CPAMD8: variants seen among roughly 807,000 people sequenced by gnomAD.
The protein encoded by CPAMD8 is C3 and PZP-like alpha-2-macroglobulin domain-containing protein 8.
Under a neutral mutation model 224.7 loss-of-function variants are expected in CPAMD8, and 146 were observed. That is an observed-to-expected ratio of 0.65 (90% CI 0.57 to 0.75). The LOEUF is 0.75. Ranked by LOEUF, CPAMD8 falls within the 30% of genes least tolerant of loss-of-function variation. The probability of loss-of-function intolerance (pLI) is 0.00; values close to 1 mark genes in which losing one functional copy is unlikely to be tolerated. For missense variants in CPAMD8, 2,301 were observed against 2,537.5 expected (o/e 0.91, Z 2.00); for synonymous variants, 966 against 1,044.6 (o/e 0.92, Z 1.45).
chr19:16,916,436 G>A (rs947702288), intron 27 of CPAMD8, among the ~76,000 whole-genome samples: 4 of 151,868 alleles, frequency 2.6e-5, no homozygotes, highest in Non-Finnish European at 5.9e-5. Flanking sequence ...ATTTTTAGTA[G>A]AGACGGGGTT....
At chr19:16,990,039 G>A (rs566403291) in intron 12 of CPAMD8, among the ~76,000 whole-genome samples, 2 of 152,280 alleles carry the variant, frequency 1.3e-5, no homozygotes, top group South Asian at 4.1e-4. Flanking sequence ...ATCACCTGAG[G>A]CCAGGAGTTC....
chr19:17,021,801 G>A (rs1299525225), intron 2 of CPAMD8, among the ~76,000 whole-genome samples: 8 of 152,212 alleles, frequency 5.3e-5, no homozygotes, highest in Non-Finnish European at 1.2e-4. Flanking sequence ...ACAGAACCAG[G>A]GCTGCTGAGG....
intron 18 of CPAMD8, among the ~76,000 whole-genome samples, chr19:16,965,210 A>T (rs1599797388): frequency 6.6e-6 from 1 of 152,010 alleles, no homozygotes; most frequent in Non-Finnish European, 1.5e-5. Context: ...CAGTGAGCCG[A>T]TATCGCACCA....
intron 30 of CPAMD8, 88 bp downstream of exon 30, chr19:16,906,864 T>A (rs759325355): frequency 2.8e-5 from 36 of 1,301,456 alleles, no homozygotes; most frequent in Non-Finnish European, 3.3e-5. Context: ...ACTCGTCAGT[T>A]GTGATAAATA....
intron 10 of CPAMD8, among the ~76,000 whole-genome samples, chr19:16,998,951 G>C (rs1172502564): frequency 2.0e-5 from 3 of 152,142 alleles, no homozygotes. Context: ...CGGATGAAGG[G>C]ATAAACACAT....
intron 23 of CPAMD8, among the ~76,000 whole-genome samples, chr19:16,931,914 A>T (rs2053556711): frequency 6.6e-6 from 1 of 152,204 alleles, no homozygotes; most frequent in Non-Finnish European, 1.5e-5. Flanking sequence ...AACCAACACC[A>T]CAGATAGATC....
rs369376971 is a variant in CPAMD8 at position 16,947,170 on chromosome 19, G to A, written c.2566C>T (p.Arg856Cys). Residue 856 changes from arginine (R) to cysteine (C), a missense_variant, in exon 21 of 42, where the codon CGC becomes TGC. Physicochemically the swap from Arg to Cys is radical, Grantham distance 180. Around this residue, in one of 4 missense-constraint regions of CPAMD8, gnomAD observed 1,709 missense variants for 1,753.2 expected, o/e 0.97. Transcript: ENST00000443236. ...ACACACATCTTCTTGGTCACATGGCGTTTGCCAGGATGCCCAACAAACTGG... is the reference window on the plus strand; with the variant it reads ...ACACACATCTTCTTGGTCACATGGCATTTGCCAGGATGCCCAACAAACTGG... Reference protein sequence around the residue: ...GIQFVGHPGKRHVTKKMCVAP... With the variant: ...GIQFVGHPGKCHVTKKMCVAP... The A allele has an allele frequency of 4.2e-5, 67 of 1,613,708 alleles. No individual in the cohort carries two copies. Among genetic ancestry groups the A allele is most frequent in the African/African-American group, 3.1e-4 (23 of 74,908 alleles).
intron 3 of CPAMD8, among the ~76,000 whole-genome samples, chr19:17,018,191 T>C (rs1052578056): frequency 6.6e-6 from 1 of 152,170 alleles, no homozygotes; most frequent in African/African-American, 2.4e-5. Flanking sequence ...CATTCATTCG[T>C]AGACTCCTTT....
Position 16,928,147 on chromosome 19 carries a change from A to T in CPAMD8, c.3232T>A (p.Ser1078Thr), listed in dbSNP as rs1568485785. The T allele has an allele frequency of 6.2e-7, 1 of 1,614,144 alleles. No individual in the cohort carries two copies. The highest frequency in any genetic ancestry group is 2.2e-5 in the East Asian group (1 of 44,880). ...TCACCCATGGAGCCCCAGCCGGTGGAAAAGCCAATGAACTGGACCTCTGGT... is the reference window on the plus strand; with the variant it reads ...TCACCCATGGAGCCCCAGCCGGTGGTAAAGCCAATGAACTGGACCTCTGGT... The part of the protein sequence containing the change: ...RPPEVQFIGF[S>T]TGWGSMGEFR... The change falls in exon 25 of 42, where the codon TCC becomes ACC. Residue 1078 changes from serine to threonine, a missense_variant. Physicochemically the swap from Ser to Thr is moderately conservative, Grantham distance 58. Around this residue, in one of 4 missense-constraint regions of CPAMD8, gnomAD observed 1,709 missense variants for 1,753.2 expected, o/e 0.97. Transcript: ENST00000443236.
At chr19:16,958,310 C>T (rs750507774) in intron 18 of CPAMD8, among the ~76,000 whole-genome samples, 19 of 152,032 alleles carry the variant, frequency 1.2e-4, no homozygotes, top group Non-Finnish European at 2.5e-4. Flanking sequence ...GTGTCTGTTC[C>T]CCCTTTTGTT....
intron 13 of CPAMD8, among the ~76,000 whole-genome samples, chr19:16,983,642 G>A (rs2055595407): frequency 6.6e-6 from 1 of 152,112 alleles, no homozygotes. Context: ...GAGACGTGAT[G>A]ACTAAATGTG....
chr19:16,911,935 TC>T (rs1332051959), intron 29 of CPAMD8, among the ~76,000 whole-genome samples: 1 of 152,128 alleles, frequency 6.6e-6, no homozygotes, highest in African/African-American at 2.4e-5. Flanking sequence ...TGCCTTGGCC[TC>T]CCAAAGTGCT....
chr19:16,932,891 A>AT (rs1287687768), intron 23 of CPAMD8, among the ~76,000 whole-genome samples: 1 of 152,222 alleles, frequency 6.6e-6, no homozygotes. Flanking sequence ...TCCACAGCAC[A>AT]TTATGGTCAA....
chr19:16,895,444 C>T (rs2051924472), intron 41 of CPAMD8: 1 of 182,798 alleles, frequency 5.5e-6, no homozygotes, highest in Admixed American at 5.4e-5. Flanking sequence ...ATTATCCGCT[C>T]TGATTCCATT....
intron 10 of CPAMD8, among the ~76,000 whole-genome samples, chr19:16,998,142 A>G (rs2056195821): frequency 6.6e-6 from 1 of 152,118 alleles, no homozygotes; most frequent in African/African-American, 2.4e-5. Context: ...ATGGTTTCCA[A>G]TCCATGGAAG....
At chr19:16,999,363 G>A (rs555458062) in intron 10 of CPAMD8, among the ~76,000 whole-genome samples, 3 of 151,932 alleles carry the variant, frequency 2.0e-5, no homozygotes, top group African/African-American at 7.2e-5. Flanking sequence ...GGTGGATCAC[G>A]ACGTCAGGAG....
At chr19:16,957,594 C>CAGAT in intron 19 of CPAMD8, 1 of 450,704 alleles carries the variant, frequency 2.2e-6, no homozygotes, top group East Asian at 3.8e-5. Flanking sequence ...ACAAACAGAG[C>CAGAT]AGATAGAGTA....
At chr19:16,961,432 C>G (rs897032169) in intron 18 of CPAMD8, among the ~76,000 whole-genome samples, 2 of 152,248 alleles carry the variant, frequency 1.3e-5, no homozygotes, top group African/African-American at 2.4e-5. Context: ...AGTCTGAGAT[C>G]GAACTGCGAC....
Position 17,007,492 on chromosome 19 carries a change from G to A in CPAMD8, c.559+1013C>T, listed in dbSNP as rs369557130. Among the ~76,000 whole-genome samples, 663 of 151,900 alleles carry A rather than the reference G, an allele frequency of 4.4e-3. 7 individuals carry two copies. The Middle Eastern group carries it at 0.048, about 11-fold the overall frequency. ...GGAGGAGGAGGAGGGAGAATAAGAC[G>A]AAGAGAAGGAGAAGAAGAAAGAACA... On this transcript the variant is annotated intron_variant, in intron 7 of 41. Transcript: ENST00000443236.
Sources: gnomAD v4.1 joint callset for allele counts (sites outside exome capture counted in the v4.1 genomes callset) on GRCh38, gnomAD v4.1.1 for gene constraint, gnomAD v4.1.1 regional missense constraint, MANE v1.5 for transcripts, NCBI Gene and HGNC (gene_info 2026-07-23, HGNC 2026-07-21) for gene names.